Variants in RNF144B observed in about 807,000 individuals in gnomAD.
RNF144B encodes ring finger protein 144B, also known as E3 ubiquitin-protein ligase RNF144B.
RNF144B carries 25 observed loss-of-function variants against 40.2 expected under a neutral mutation model. The ratio of observed to expected loss-of-function variants is 0.62; its 90% confidence interval spans 0.45 to 0.87. The LOEUF (loss-of-function observed/expected upper bound fraction) is 0.87, where lower values mean the gene tolerates loss of function less well. Ranked by LOEUF, RNF144B falls within the 40% of genes least tolerant of loss-of-function variation. RNF144B has a pLI of 0.00. For synonymous variants in RNF144B, 145 were observed against 136.3 expected, an observed-to-expected ratio of 1.06 and a Z score of -0.44; for missense variants, 365 against 373.7, an observed-to-expected ratio of 0.98 and a Z score of 0.19.
rs1321349940 is a variant in RNF144B at position 18,412,963 on chromosome 6, TA to T, written c.165+13271del. 6.6e-6 allele frequency among the ~76,000 whole-genome samples: 1 copy of T among 152,184 alleles called. No individual in the cohort carries two copies. Among genetic ancestry groups the T allele is most frequent in the Admixed American group, 6.6e-5 (1 of 15,266 alleles). On this transcript the variant is annotated intron_variant, in intron 2 of 7. Transcript: ENST00000259939. This position sits in a 1 kb window ranked among gnomAD's most constrained non-coding sequence, Gnocchi z 4.2. The stretch of plus-strand genomic sequence containing the variant: ...TTAAACCTCATTTTATTCATCTGTT[TA>T]AAAAAATTACGGAAGGAAAAGCAAG...
intron 4 of RNF144B, among the ~76,000 whole-genome samples, chr6:18,445,720 T>G (rs753065635): frequency 6.6e-6 from 1 of 152,136 alleles, no homozygotes; most frequent in African/African-American, 2.4e-5. Context: ...ATTTCTGAAC[T>G]TTTTCCCATC....
chr6:18,409,298 A>G (rs1011623071), intron 2 of RNF144B, among the ~76,000 whole-genome samples: 1 of 139,652 alleles, frequency 7.2e-6, no homozygotes, highest in African/African-American at 2.6e-5. Flanking sequence ...GAACTGCTTG[A>G]ACCCGGGAAG....
chr6:18,411,361 G>T (rs12194025), intron 2 of RNF144B, among the ~76,000 whole-genome samples: 96,321 of 149,364 alleles, frequency 0.64, 31,331 homozygotes, highest in Non-Finnish European at 0.69. Context: ...ATGTTTCAGG[G>T]CTCTCTTGGT....
rs1335705545 is a variant in RNF144B at position 18,441,139 on chromosome 6, A to C, written c.331+1395A>C. Reference sequence around the variant, plus strand: ...TCCACATGGGCCGATTAGATTGAGCATTATAACACCAGATATGATAGCTAA... The same window carrying C: ...TCCACATGGGCCGATTAGATTGAGCCTTATAACACCAGATATGATAGCTAA... On this transcript the variant is annotated intron_variant, in intron 4 of 7. Coordinates refer to ENST00000259939, the MANE Select transcript of RNF144B (RefSeq NM_182757.4). The surrounding 1 kb of genome is among the most constrained non-coding windows in gnomAD (Gnocchi z 4.9). Among the ~76,000 whole-genome samples the C allele has an allele frequency of 6.6e-6, 1 of 152,170 alleles. No homozygotes were observed. Among genetic ancestry groups the C allele is most frequent in the African/African-American group, 2.4e-5 (1 of 41,444 alleles).
intron 4 of RNF144B, among the ~76,000 whole-genome samples, chr6:18,445,308 T>G (rs34809949): frequency 0.12 from 19,007 of 152,182 alleles, 1,364 homozygotes; most frequent in Admixed American, 0.19. Flanking sequence ...ATGGTGCCAG[T>G]TGGGAAAACC....
intron 2 of RNF144B, among the ~76,000 whole-genome samples, chr6:18,408,938 GTTTTTTTT>G (rs3078245): frequency 6.9e-6 from 1 of 143,970 alleles, no homozygotes; most frequent in Non-Finnish European, 1.5e-5. Context: ...CCAGAAAAGT[GTTTTTTTT>G]TTTTTTTTTT....
intron 2 of RNF144B, among the ~76,000 whole-genome samples, chr6:18,421,519 C>T (rs1199722601): frequency 2.6e-5 from 4 of 152,006 alleles, no homozygotes. Flanking sequence ...TCACTGGGCC[C>T]AGATTCTTCT....
At position 18,402,462 on chromosome 6, in the gene RNF144B, CAG is replaced by C. The variant is rs1794813728; in HGVS notation, c.165+2767_165+2768del. 4.5e-5 allele frequency among the ~76,000 whole-genome samples: 4 copies of C among 88,402 alleles called. 1 individual carries two copies. In the South Asian group the frequency reaches 1.7e-3, roughly 38 times the overall value. The allele number at this position is 88,402 out of a possible 152,430, so 58.0% of individuals were successfully genotyped here. A position where few individuals can be genotyped will look rare whatever the true frequency, so the allele number is the denominator to read the frequency against. On this transcript the variant is annotated intron_variant, in intron 2 of 7. Coordinates refer to ENST00000259939, the MANE Select transcript of RNF144B (RefSeq NM_182757.4). ...TCCACGGACCACCAGCTCTGGGAAA[CAG>C]AGATATCCTTGAATGAAATGTTCCA...
At chr6:18,439,444 G>A (rs950664740) in intron 3 of RNF144B, among the ~76,000 whole-genome samples, 1 of 152,178 alleles carries the variant, frequency 6.6e-6, no homozygotes, top group African/African-American at 2.4e-5. Context: ...GGTAGAAGGT[G>A]ATCAATGAGT....
Position 18,427,573 on chromosome 6 carries a change from A to C in RNF144B, c.166-8A>C. Reference sequence around the variant, plus strand: ...ATGGGCAATTGTCTTTTTTTTCTTAACTTCCAGTGCCTGAAACAGTACATG... The same window carrying C: ...ATGGGCAATTGTCTTTTTTTTCTTACCTTCCAGTGCCTGAAACAGTACATG... On this transcript the variant is annotated splice_polypyrimidine_tract_variant and splice_region_variant and intron_variant, in intron 2 of 7. Coordinates refer to ENST00000259939, the MANE Select transcript of RNF144B (RefSeq NM_182757.4). 1 of 1,605,766 alleles carries C rather than the reference A, an allele frequency of 6.2e-7. No homozygotes were observed.
chr6:18,423,146 C>G (rs1758469523), intron 2 of RNF144B, among the ~76,000 whole-genome samples: 1 of 152,182 alleles, frequency 6.6e-6, no homozygotes, highest in African/African-American at 2.4e-5. Context: ...TTGCATACCT[C>G]TTTTCACTTT....
chr6:18,435,417 A>G (rs1758795037), intron 3 of RNF144B, among the ~76,000 whole-genome samples: 1 of 152,168 alleles, frequency 6.6e-6, no homozygotes, highest in African/African-American at 2.4e-5. Context: ...ATGAATAAAT[A>G]GAGAAGGGAC....
rs570216308 is a variant in RNF144B, at chr6:18,425,256, C to T, written c.166-2325C>T. 4.6e-5 allele frequency among the ~76,000 whole-genome samples: 7 copies of T among 152,150 alleles called. No individual in the cohort carries two copies. Among genetic ancestry groups the T allele is most frequent in the Non-Finnish European group, 1.0e-4 (7 of 68,030 alleles). On this transcript the variant is annotated intron_variant, in intron 2 of 7. Transcript: ENST00000259939. This position sits in a 1 kb window ranked among gnomAD's most constrained non-coding sequence, Gnocchi z 4.2. ...ACTTTGTTTTCCTCAAACACCTTCCCCTTGAGCCTGGAGACTATATCTTTC... is the reference window on the plus strand; with the variant it reads ...ACTTTGTTTTCCTCAAACACCTTCCTCTTGAGCCTGGAGACTATATCTTTC...
Position 18,405,373 on chromosome 6 carries a change from C to G in RNF144B, c.165+5674C>G, listed in dbSNP as rs773922244. Among the ~76,000 whole-genome samples, 1 of 151,820 alleles carries G rather than the reference C, an allele frequency of 6.6e-6. No individual in the cohort carries two copies. Among genetic ancestry groups the G allele is most frequent in the Non-Finnish European group, 1.5e-5 (1 of 67,964 alleles). On this transcript the variant is annotated intron_variant, in intron 2 of 7. Transcript: ENST00000259939. This position sits in a 1 kb window ranked among gnomAD's most constrained non-coding sequence, Gnocchi z 4.5. ...TGTATTTTTAGTTGAGTTGGGGTTT[C>G]ACTATGTAGGTCAGGCTGGTCTTGA...
At position 18,425,064 on chromosome 6, in the gene RNF144B, T is replaced by A. The variant is rs192679500; in HGVS notation, c.166-2517T>A. Among the ~76,000 whole-genome samples, 1,562 of 152,230 alleles carry A rather than the reference T, an allele frequency of 0.01. 19 individuals carry two copies. The highest frequency in any genetic ancestry group is 0.03 in the South Asian group (144 of 4,822). ...GTATGTGTGTATGTGTGGGTGTGTG[T>A]GTGTGTGTGTTAAAACCTGTGAGGT... On this transcript the variant is annotated intron_variant, in intron 2 of 7. Coordinates refer to ENST00000259939, the MANE Select transcript of RNF144B (RefSeq NM_182757.4). This position sits in a 1 kb window ranked among gnomAD's most constrained non-coding sequence, Gnocchi z 4.2.
chr6:18,390,178 G>A (rs1374167655), intron 1 of RNF144B, among the ~76,000 whole-genome samples: 1 of 152,142 alleles, frequency 6.6e-6, no homozygotes, highest in Non-Finnish European at 1.5e-5. Context: ...TTGTCACCTC[G>A]ATCATCTTAA....
Position 18,446,747 on chromosome 6 carries a change from G to T in RNF144B, c.331+7003G>T, listed in dbSNP as rs1759090159. Among the ~76,000 whole-genome samples the T allele has an allele frequency of 6.6e-6, 1 of 152,080 alleles. No homozygotes were observed. The highest frequency in any genetic ancestry group is 2.4e-5 in the African/African-American group (1 of 41,384). On this transcript the variant is annotated intron_variant, in intron 4 of 7. Coordinates refer to ENST00000259939, the MANE Select transcript of RNF144B (RefSeq NM_182757.4). The surrounding 1 kb of genome is among the most constrained non-coding windows in gnomAD (Gnocchi z 4.7). ...GACATTTTTGATCGTCACGACTTGGGTAGGAAGCTACTGGCAGCTAGTGGG... is the reference window on the plus strand; with the variant it reads ...GACATTTTTGATCGTCACGACTTGGTTAGGAAGCTACTGGCAGCTAGTGGG...
intron 3 of RNF144B, among the ~76,000 whole-genome samples, chr6:18,430,281 T>C (rs1224384597): frequency 6.6e-6 from 1 of 152,178 alleles, no homozygotes; most frequent in East Asian, 1.9e-4. Context: ...ATAAAATACT[T>C]CCATCAGTGC....
In RNF144B at chr6:18,433,568, A is replaced by G. The variant is rs76881610; in HGVS notation, c.270+5883A>G. ...TTACTTATGACTGAGTGGAGGGAGA[A>G]AAGACGGGATGATATATGGAAAGAT... On this transcript the variant is annotated intron_variant, in intron 3 of 7. Coordinates refer to ENST00000259939, the MANE Select transcript of RNF144B (RefSeq NM_182757.4). 1.1e-3 allele frequency among the ~76,000 whole-genome samples: 171 copies of G among 152,280 alleles called. 1 individual carries two copies. The East Asian group carries it at 0.031, about 28-fold the overall frequency.
Sources: gnomAD v4.1 joint callset for allele counts (sites outside exome capture counted in the v4.1 genomes callset) on GRCh38, gnomAD v4.1.1 for gene constraint, Gnocchi (gnomAD v3.1) non-coding constraint, MANE v1.5 for transcripts, NCBI Gene and HGNC (gene_info 2026-07-23, HGNC 2026-07-21) for gene names.